MIER3: variants seen among roughly 807,000 people sequenced by gnomAD.
MIER3 encodes MIER family member 3, also known as mesoderm induction early response protein 3.
A neutral mutation model predicts 63.2 loss-of-function variants in MIER3; 9 were observed. The ratio of observed to expected loss-of-function variants is 0.14; its 90% CI spans 0.09 to 0.25. The LOEUF is 0.25. Among genes scored for constraint, MIER3 ranks in the 10% least tolerant of loss-of-function variants. The pLI, the probability that MIER3 is intolerant of heterozygous loss-of-function variation, is 1.00. For synonymous variants in MIER3, 205 were observed against 224.9 expected, an observed-to-expected ratio of 0.91 and a Z score of 0.79; for missense variants, 512 against 666.2, an observed-to-expected ratio of 0.77 and a Z score of 2.55.
At chr5:56,940,660 A>G (rs1750614003) in intron 3 of MIER3, among the ~76,000 whole-genome samples, 1 of 152,260 alleles carries the variant, frequency 6.6e-6, no homozygotes, top group Non-Finnish European at 1.5e-5. Flanking sequence ...CTTGGGATTT[A>G]AATCAACCAA....
rs1749700457 is a variant in MIER3 at position 56,922,093 on chromosome 5, T to C, written c.*1035A>G. ...AAAGCTTAAATATACTTCAAGGTTC[T>C]ACTGCATTAGGTATAAAATCTAGAA... On this transcript the variant is annotated 3_prime_UTR_variant, in exon 13 of 13. Transcript: ENST00000381199. The C allele has an allele frequency of 6.5e-6, 1 of 152,674 alleles. No individual in the cohort carries two copies. The highest frequency in any genetic ancestry group is 2.1e-4 in the South Asian group (1 of 4,836). The allele number at this position is 152,674 out of a possible 1,614,324, so 9.5% of individuals were successfully genotyped here.
chr5:56,949,016 T>G (rs1750924336), intron 2 of MIER3, among the ~76,000 whole-genome samples: 1 of 152,202 alleles, frequency 6.6e-6, no homozygotes, highest in Non-Finnish European at 1.5e-5. Flanking sequence ...CTGTCTTCCA[T>G]TTGCAAAATA....
At chr5:56,935,610 T>A in intron 6 of MIER3, 56 bp downstream of exon 6, 2 of 1,545,416 alleles carry the variant, frequency 1.3e-6, no homozygotes, top group Middle Eastern at 1.7e-4. Flanking sequence ...TTATCATAAA[T>A]CATTTCAGAA....
At chr5:56,925,318 T>G (rs1749910905) in intron 10 of MIER3, 1 of 454,496 alleles carries the variant, frequency 2.2e-6, no homozygotes, top group South Asian at 1.6e-5. Flanking sequence ...GAAATAAAAC[T>G]GTCTCTGTTT....
At chr5:56,944,555 T>C (rs1453572175) in intron 3 of MIER3, among the ~76,000 whole-genome samples, 1 of 152,152 alleles carries the variant, frequency 6.6e-6, no homozygotes, top group Admixed American at 6.5e-5. Flanking sequence ...AATGCCAGTA[T>C]TCATCTGACA....
At chr5:56,952,142 T>C (rs1280355902), upstream of MIER3, 1 of 1,207,764 alleles carries the variant, frequency 8.3e-7, no homozygotes, top group Non-Finnish European at 1.0e-6. Flanking sequence ...CCGAGCCCAG[T>C]CCCCGGATGG....
At chr5:56,937,796 A>G (rs1750502342) in intron 4 of MIER3, 98 bp from the exon 5 acceptor site, 51 of 1,020,788 alleles carry the variant, frequency 5.0e-5, no homozygotes, top group Non-Finnish European at 6.7e-5. Flanking sequence ...AAGCAGTTGG[A>G]ACCTTATGAG....
chr5:56,926,432 A>G (rs115382349), intron 10 of MIER3, among the ~76,000 whole-genome samples: 4 of 152,208 alleles, frequency 2.6e-5, no homozygotes, highest in Non-Finnish European at 5.9e-5. Context: ...TGGGCAAAAA[A>G]TCTGAATGAA....
At chr5:56,927,116 AAC>A (rs1472114684) in intron 10 of MIER3, among the ~76,000 whole-genome samples, 3 of 149,372 alleles carry the variant, frequency 2.0e-5, no homozygotes, top group Non-Finnish European at 4.5e-5. Context: ...GGAAGAATAA[AAC>A]ATGAGATTTT....
Position 56,920,006 on chromosome 5 carries a change from T to A in MIER3, c.*3122A>T, listed in dbSNP as rs1291188193. 6.6e-6 allele frequency: 1 copy of A among 152,638 alleles called. No homozygotes were observed. Among genetic ancestry groups the A allele is most frequent in the South Asian group, 2.1e-4 (1 of 4,834 alleles). 9.5% of individuals were successfully genotyped at this position (152,638 alleles called of 1,614,324 possible). On this transcript the variant is annotated 3_prime_UTR_variant, in exon 13 of 13. Transcript: ENST00000381199. ...TCTGGGCAAACAATCTCCTTGGTGG[T>A]CAGGTTTATTTGTTAGTTTACATTC...
chr5:56,927,007 T>C (rs1386479210), intron 10 of MIER3, among the ~76,000 whole-genome samples: 1 of 152,166 alleles, frequency 6.6e-6, no homozygotes, highest in Admixed American at 6.5e-5. Flanking sequence ...GCATACTGTA[T>C]AATTCCAACT....
intron 2 of MIER3, among the ~76,000 whole-genome samples, chr5:56,949,976 C>G (rs906631): frequency 0.31 from 46,407 of 151,984 alleles, 7,545 homozygotes; most frequent in East Asian, 0.54. Context: ...TGCATATGTG[C>G]AGAGTTCTGG....
At chr5:56,946,903 G>A in intron 3 of MIER3, 23 bp downstream of exon 3, 1 of 1,440,420 alleles carries the variant, frequency 6.9e-7, no homozygotes, top group East Asian at 2.6e-5. Flanking sequence ...TGTTAAGTTT[G>A]TATATTAAAG....
At chr5:56,941,631 A>T (rs548204698) in intron 3 of MIER3, 1 of 152,398 alleles carries the variant, frequency 6.6e-6, no homozygotes, top group South Asian at 2.1e-4. Flanking sequence ...GCAGGGACAG[A>T]TCGCAAAGGG....
At chr5:56,930,590 G>C (rs779708178) in intron 9 of MIER3, 74 bp downstream of exon 9, 5 of 1,223,832 alleles carry the variant, frequency 4.1e-6, no homozygotes, top group Non-Finnish European at 4.8e-6. Context: ...CTGTCCCTTA[G>C]GATACTTTGC....
At chr5:56,939,092 TAG>T in intron 3 of MIER3, 75 bp from the exon 4 acceptor site, 1 of 1,472,856 alleles carries the variant, frequency 6.8e-7, no homozygotes, top group South Asian at 1.4e-5. Flanking sequence ...GTACTGTCCT[TAG>T]GTTCAGAAAG....
At chr5:56,950,740 C>T (rs1481627981) in intron 1 of MIER3, 88 bp from the exon 2 acceptor site, 10 of 1,480,706 alleles carry the variant, frequency 6.8e-6, no homozygotes, top group Non-Finnish European at 9.3e-6. Context: ...GAGGCGGAGT[C>T]GAGCGCTCCT....
In MIER3 at chr5:56,935,831, T is replaced by C. The variant is rs1579850929; in HGVS notation, c.437-80A>G. 6.7e-6 allele frequency: 7 copies of C among 1,049,906 alleles called. No individual in the cohort carries two copies. In the East Asian group the frequency reaches 1.5e-4, roughly 22 times the overall value. The allele number at this position is 1,049,906 out of a possible 1,614,324, so 65.0% of individuals were successfully genotyped here. Reference sequence around the variant, plus strand: ...AGAATGCCTGTTGTATTTTACAAAATGTTGTTAAATATGTGAGATCAGCAT... The same window carrying C: ...AGAATGCCTGTTGTATTTTACAAAACGTTGTTAAATATGTGAGATCAGCAT... On this transcript the variant is annotated intron_variant, in intron 5 of 12. Coordinates refer to ENST00000381199, the MANE Select transcript of MIER3 (RefSeq NM_001297599.2).
chr5:56,934,921 AC>A (rs2112111706), intron 7 of MIER3, among the ~76,000 whole-genome samples: 1 of 152,356 alleles, frequency 6.6e-6, no homozygotes, highest in African/African-American at 2.4e-5. Flanking sequence ...GTTGGAATGC[AC>A]CAAAAACATG....
Sources: allele counts gnomAD v4.1 joint callset (sites outside exome capture counted in the v4.1 genomes callset), GRCh38; gene constraint gnomAD v4.1.1; transcripts MANE v1.5; gene names NCBI Gene and HGNC (gene_info 2026-07-23, HGNC 2026-07-21).